The following ENOX1 variants were observed in gnomAD, a reference collection of about 807,000 sequenced individuals.
ENOX1 encodes ecto-NOX disulfide-thiol exchanger 1, also known as candidate growth-related and time keeping constitutive hydroquinone (NADH) oxidase.
In ENOX1, 42 loss-of-function variants were observed where a neutral mutation model predicts 82.5. The ratio of observed to expected loss-of-function variants is 0.51; its 90% confidence interval spans 0.40 to 0.66. ENOX1 has a LOEUF of 0.66. Among genes scored for constraint, ENOX1 ranks in the 30% least tolerant of loss-of-function variants. The probability of loss-of-function intolerance (pLI) is 0.00; values close to 1 mark genes in which losing one functional copy is unlikely to be tolerated. For synonymous variants in ENOX1, 271 were observed against 282.2 expected, an observed-to-expected ratio of 0.96 and a Z score of 0.40; for missense variants, 608 against 811.6, an observed-to-expected ratio of 0.75 and a Z score of 3.05.
intron 1 of ENOX1, among the ~76,000 whole-genome samples, chr13:43,711,454 T>C (rs1377419237): frequency 6.6e-6 from 1 of 152,148 alleles, no homozygotes; most frequent in African/African-American, 2.4e-5. Context: ...GATGGCTGGG[T>C]CAAATGGTAT....
intron 1 of ENOX1, among the ~76,000 whole-genome samples, chr13:43,710,087 C>T (rs118071044): frequency 1.5e-3 from 221 of 151,892 alleles, no homozygotes; most frequent in Non-Finnish European, 2.6e-3. Context: ...AACATAGATG[C>T]GAATATGTTA....
intron 16 of ENOX1, among the ~76,000 whole-genome samples, chr13:43,223,701 A>C (rs998051358): frequency 3.3e-4 from 50 of 152,166 alleles, no homozygotes; most frequent in African/African-American, 1.2e-3. Context: ...ATCCTATAAG[A>C]ATATGGTCTG....
chr13:43,492,717 A>G (rs965241635), intron 2 of ENOX1, among the ~76,000 whole-genome samples: 1 of 152,148 alleles, frequency 6.6e-6, no homozygotes, highest in Admixed American at 6.5e-5. Flanking sequence ...ACCTCTTGCA[A>G]TCTGGTGTTC....
intron 14 of ENOX1, among the ~76,000 whole-genome samples, chr13:43,249,197 C>T (rs2043309776): frequency 6.6e-6 from 1 of 152,032 alleles, no homozygotes; most frequent in Non-Finnish European, 1.5e-5. Context: ...TCCAGTAACC[C>T]CATTCATTAT....
chr13:43,726,931 G>A (rs1189582027), intron 1 of ENOX1, among the ~76,000 whole-genome samples: 2 of 151,786 alleles, frequency 1.3e-5, no homozygotes, highest in Non-Finnish European at 1.5e-5. Flanking sequence ...TAACGGAGAT[G>A]GGGTTTCACC....
intron 2 of ENOX1, among the ~76,000 whole-genome samples, chr13:43,529,093 C>T (rs1286547524): frequency 6.6e-6 from 1 of 151,858 alleles, no homozygotes; most frequent in Non-Finnish European, 1.5e-5. Flanking sequence ...GTTACAGTAG[C>T]CCCTCCATCC....
chr13:43,549,695 A>G (rs1043729854), intron 2 of ENOX1, among the ~76,000 whole-genome samples: 2 of 152,220 alleles, frequency 1.3e-5, no homozygotes, highest in African/African-American at 2.4e-5. Context: ...TGTATCTTGC[A>G]AATGTATATA....
intron 3 of ENOX1, among the ~76,000 whole-genome samples, chr13:43,421,162 A>T (rs542724031): frequency 2.6e-5 from 4 of 152,228 alleles, no homozygotes; most frequent in Non-Finnish European, 5.9e-5. Context: ...GGAGAACCCT[A>T]TAGCACTTAG....
chr13:43,581,178 G>C (rs1413266099), intron 2 of ENOX1, among the ~76,000 whole-genome samples: 1 of 120,978 alleles, frequency 8.3e-6, no homozygotes, highest in African/African-American at 3.1e-5. Flanking sequence ...TGTCGCCCAG[G>C]CTGGAGTGCA....
At chr13:43,637,062 C>T (rs1192120683) in intron 2 of ENOX1, among the ~76,000 whole-genome samples, 3 of 152,144 alleles carry the variant, frequency 2.0e-5, no homozygotes, top group African/African-American at 7.2e-5. Context: ...GATAAGTGGA[C>T]TTCGTACACA....
chr13:43,332,730 A>G (rs1200395928), intron 9 of ENOX1, among the ~76,000 whole-genome samples: 1 of 152,196 alleles, frequency 6.6e-6, no homozygotes, highest in African/African-American at 2.4e-5. Flanking sequence ...GTAAAGCAAT[A>G]CATGAGATTA....
chr13:43,503,132 G>A (rs746272062), intron 2 of ENOX1, among the ~76,000 whole-genome samples: 11 of 151,582 alleles, frequency 7.3e-5, no homozygotes, highest in African/African-American at 2.2e-4. Flanking sequence ...CAAAAAGAAC[G>A]AAGTACTCAG....
At chr13:43,465,294 T>C (rs1443674483) in intron 3 of ENOX1, among the ~76,000 whole-genome samples, 1 of 152,236 alleles carries the variant, frequency 6.6e-6, no homozygotes, top group Non-Finnish European at 1.5e-5. Context: ...TATATTAGGA[T>C]GAACTCAGAC....
At chr13:43,339,805 A>G (rs950519839) in intron 9 of ENOX1, among the ~76,000 whole-genome samples, 6 of 152,232 alleles carry the variant, frequency 3.9e-5, no homozygotes, top group African/African-American at 1.4e-4. Flanking sequence ...CTGAATACTC[A>G]TGCTTAACAA....
intron 2 of ENOX1, among the ~76,000 whole-genome samples, chr13:43,535,569 C>T (rs1485959788): frequency 2.6e-5 from 4 of 152,154 alleles, no homozygotes; most frequent in African/African-American, 4.8e-5. Context: ...AATGACTTCT[C>T]GTGGACCTCA....
chr13:43,716,682 A>T (rs1670096801), intron 1 of ENOX1, among the ~76,000 whole-genome samples: 1 of 152,152 alleles, frequency 6.6e-6, no homozygotes, highest in South Asian at 2.1e-4. Flanking sequence ...ATTCAGTTAA[A>T]TTTCAGGATA....
intron 2 of ENOX1, among the ~76,000 whole-genome samples, chr13:43,612,170 G>A (rs1367708774): frequency 6.6e-6 from 1 of 152,150 alleles, no homozygotes; most frequent in Non-Finnish European, 1.5e-5. Flanking sequence ...GCTGACCTCT[G>A]GAAAGCAGTC....
intron 2 of ENOX1, among the ~76,000 whole-genome samples, chr13:43,615,123 C>G (rs1243052958): frequency 6.6e-6 from 1 of 152,136 alleles, no homozygotes; most frequent in East Asian, 1.9e-4. Context: ...AATTTACTTT[C>G]TTTAAAATAA....
rs2084582179 is a variant in ENOX1 at position 43,658,973 on chromosome 13, A to G, written c.-219+8506T>C. Among the ~76,000 whole-genome samples the G allele has an allele frequency of 2.0e-5, 3 of 152,046 alleles. No homozygotes were observed. In the South Asian group the frequency reaches 6.2e-4, roughly 32 times the overall value. The stretch of plus-strand genomic sequence containing the variant: ...TTCCTTTGATGGTTTTCTGTCCTCC[A>G]TTTTTTATGTTCTCTGAATCTGGTG... On this transcript the variant is annotated intron_variant, in intron 2 of 16. Coordinates refer to ENST00000690772, the MANE Select transcript of ENOX1 (RefSeq NM_001347969.2).
Sources: allele counts gnomAD v4.1 joint callset (sites outside exome capture counted in the v4.1 genomes callset), GRCh38; gene constraint gnomAD v4.1.1; transcripts MANE v1.5; gene names NCBI Gene and HGNC (gene_info 2026-07-23, HGNC 2026-07-21).